PCDH15: variants seen among roughly 807,000 people sequenced by gnomAD.
PCDH15 encodes protocadherin-15.
PCDH15 carries 129 observed loss-of-function variants against 178.5 expected under a neutral mutation model. That is an observed-to-expected ratio of 0.72 (90% confidence interval 0.63 to 0.84). PCDH15 has a LOEUF of 0.84. Among genes scored for constraint, PCDH15 ranks in the 40% least tolerant of loss-of-function variants. PCDH15 has a pLI of 0.00. For synonymous variants in PCDH15, 800 were observed against 732.0 expected, an observed-to-expected ratio of 1.09 and a Z score of -1.50; for missense variants, 2,230 against 2,099.9, an observed-to-expected ratio of 1.06 and a Z score of -1.21.
intron 3 of PCDH15, among the ~76,000 whole-genome samples, chr10:54,413,956 T>G (rs1589276095): frequency 6.6e-6 from 1 of 152,254 alleles, no homozygotes; most frequent in East Asian, 1.9e-4. Context: ...ACTGGACATT[T>G]GGTAATCATC....
chr10:53,877,784 C>T (rs1458462603), intron 26 of PCDH15, among the ~76,000 whole-genome samples: 1 of 152,102 alleles, frequency 6.6e-6, no homozygotes, highest in Non-Finnish European at 1.5e-5. Flanking sequence ...CCTGGCTCCT[C>T]CCTACTTCCA....
At chr10:54,430,675 T>C (rs1956860163) in intron 3 of PCDH15, among the ~76,000 whole-genome samples, 1 of 150,632 alleles carries the variant, frequency 6.6e-6, no homozygotes, top group Non-Finnish European at 1.5e-5. Context: ...AATTTCAAAA[T>C]AAATAATCAA....
intron 8 of PCDH15, among the ~76,000 whole-genome samples, chr10:54,312,446 G>C (rs555383700): frequency 9.2e-5 from 14 of 152,180 alleles, no homozygotes; most frequent in African/African-American, 3.4e-4. Context: ...CTCATATAGG[G>C]AGGTGGAGTA....
At chr10:55,117,058 A>G (rs1837644237) in intron 2 of PCDH15, among the ~76,000 whole-genome samples, 1 of 152,146 alleles carries the variant, frequency 6.6e-6, no homozygotes, top group Non-Finnish European at 1.5e-5. Flanking sequence ...AAAAATACAC[A>G]GTTTTCCCTG....
intron 2 of PCDH15, among the ~76,000 whole-genome samples, chr10:54,916,315 T>G (rs995454195): frequency 5.9e-5 from 9 of 152,174 alleles, no homozygotes. Context: ...AAGGTGCATA[T>G]ATAGGAAGTC....
intron 2 of PCDH15, among the ~76,000 whole-genome samples, chr10:55,043,800 G>A (rs535314635): frequency 2.6e-4 from 39 of 151,926 alleles, no homozygotes; most frequent in African/African-American, 9.2e-4. Flanking sequence ...AACCTCTTAC[G>A]TGAGTGCAGG....
At chr10:54,041,212 G>T (rs2093535751) in intron 18 of PCDH15, among the ~76,000 whole-genome samples, 1 of 152,070 alleles carries the variant, frequency 6.6e-6, no homozygotes, top group Non-Finnish European at 1.5e-5. Context: ...CTTTAGTGTA[G>T]CACTGAATTT....
At chr10:55,013,732 A>G (rs555487434) in intron 2 of PCDH15, among the ~76,000 whole-genome samples, 1 of 152,310 alleles carries the variant, frequency 6.6e-6, no homozygotes, top group African/African-American at 2.4e-5. Context: ...TGCAAGATTC[A>G]TGAAGTCAAA....
chr10:54,424,711 G>A lies in PCDH15; in HGVS notation c.158-45769C>T, dbSNP rs183439504. ...ATGATGAGTTCATGTCCTTTGTAGG[G>A]ACATGGATGAAGCTGGTAACCATCA... On this transcript the variant is annotated intron_variant, in intron 3 of 37. Coordinates refer to ENST00000644397, the MANE Select transcript of PCDH15 (RefSeq NM_001384140.1). 6.0e-4 allele frequency among the ~76,000 whole-genome samples: 92 copies of A among 152,080 alleles called. 1 individual carries two copies. The highest frequency in any genetic ancestry group is 2.0e-3 in the African/African-American group (81 of 41,506).
chr10:54,896,512 G>A (rs1424815781), intron 3 of PCDH15, among the ~76,000 whole-genome samples: 3 of 66,492 alleles, frequency 4.5e-5, no homozygotes, highest in African/African-American at 6.0e-5. Flanking sequence ...ATTTCCCAGC[G>A]GAAAAAAAAA....
At chr10:55,184,968 G>A (rs1039439525) in intron 1 of PCDH15, among the ~76,000 whole-genome samples, 2 of 151,824 alleles carry the variant, frequency 1.3e-5, no homozygotes, top group African/African-American at 4.8e-5. Flanking sequence ...CATTTTAGAA[G>A]TTCCTTCAGT....
At chr10:53,859,167 C>G (rs1429794079) in intron 27 of PCDH15, among the ~76,000 whole-genome samples, 1 of 152,112 alleles carries the variant, frequency 6.6e-6, no homozygotes, top group Non-Finnish European at 1.5e-5. Flanking sequence ...GCCTCATTCT[C>G]TGTTCCCTGA....
intron 1 of PCDH15, among the ~76,000 whole-genome samples, chr10:55,282,648 TA>T (rs1462394148): frequency 3.9e-5 from 6 of 152,176 alleles, no homozygotes; most frequent in African/African-American, 1.4e-4. Flanking sequence ...TTTACAAATA[TA>T]ATTTTTTGTT....
chr10:55,170,268 GC>G (rs1219988690), intron 1 of PCDH15, among the ~76,000 whole-genome samples: 1 of 151,766 alleles, frequency 6.6e-6, no homozygotes, highest in African/African-American at 2.4e-5. Flanking sequence ...TCCTGCCTCA[GC>G]CCCCCAGGTA....
intron 2 of PCDH15, among the ~76,000 whole-genome samples, chr10:55,048,145 A>G (rs1841061496): frequency 6.6e-6 from 1 of 151,940 alleles, no homozygotes; most frequent in Non-Finnish European, 1.5e-5. Flanking sequence ...TCATGAAAAA[A>G]GTCACTTTTC....
intron 1 of PCDH15, among the ~76,000 whole-genome samples, chr10:54,759,349 C>T (rs1235436324): frequency 1.3e-5 from 2 of 151,962 alleles, no homozygotes; most frequent in East Asian, 1.9e-4. Context: ...AAGCAAAAAA[C>T]AATTTTCAAA....
At chr10:54,219,351 G>C (rs2052505108) in intron 9 of PCDH15, among the ~76,000 whole-genome samples, 1 of 150,550 alleles carries the variant, frequency 6.6e-6, no homozygotes, top group Admixed American at 6.6e-5. Flanking sequence ...AGCACTCTGG[G>C]AGGCCGAGAC....
At chr10:55,544,025 T>C (rs1362779606) in intron 2 of PCDH15, among the ~76,000 whole-genome samples, 1 of 150,570 alleles carries the variant, frequency 6.6e-6, no homozygotes, top group African/African-American at 2.4e-5. Flanking sequence ...ATTGAGTCAC[T>C]GTAGTTGATG....
intron 3 of PCDH15, among the ~76,000 whole-genome samples, chr10:54,418,783 T>C (rs1245723530): frequency 2.6e-5 from 4 of 151,972 alleles, no homozygotes; most frequent in Non-Finnish European, 5.9e-5. Context: ...ATAAGTTTGA[T>C]GCAACAAATA....
Sources: gnomAD v4.1 joint callset for allele counts (sites outside exome capture counted in the v4.1 genomes callset) on GRCh38, gnomAD v4.1.1 for gene constraint, MANE v1.5 for transcripts, NCBI Gene and HGNC (gene_info 2026-07-23, HGNC 2026-07-21) for gene names.